The following SPATA3 variants were observed in gnomAD, a reference collection of about 807,000 sequenced individuals.
The protein encoded by SPATA3 is spermatogenesis associated 3.
SPATA3 carries 6 observed loss-of-function variants against 5.7 expected under a neutral mutation model. The observed-to-expected ratio is 1.06, with a 90% CI of 0.58 to 2.09. The LOEUF (loss-of-function observed/expected upper bound fraction) is 2.09. Ranked by LOEUF, SPATA3 falls within the 30% of genes most tolerant of loss-of-function variation. The probability of loss-of-function intolerance (pLI) is 0.00; values close to 1 mark genes in which losing one functional copy is unlikely to be tolerated. For missense variants in SPATA3, 155 were observed against 130.4 expected (o/e 1.19, Z -0.92); for synonymous variants, 44 against 48.4 (o/e 0.91, Z 0.37).
chr2:231,015,290 G>A (rs975653291), intron 6 of SPATA3, among the ~76,000 whole-genome samples: 2 of 105,176 alleles, frequency 1.9e-5, no homozygotes, highest in African/African-American at 8.6e-5. Context: ...GGTAGAAACA[G>A]GGTTTCACCA....
chr2:231,019,046 A>G (rs1259947670), intron 6 of SPATA3, among the ~76,000 whole-genome samples: 1 of 144,608 alleles, frequency 6.9e-6, no homozygotes, highest in African/African-American at 2.6e-5. Flanking sequence ...GGCTCACTGC[A>G]AGCTCCGCCT....
At chr2:231,009,032 G>T (rs879680581), downstream of SPATA3, among the ~76,000 whole-genome samples, 8 of 152,226 alleles carry the variant, frequency 5.3e-5, no homozygotes, top group Non-Finnish European at 1.0e-4. Context: ...CCAGGAAAAT[G>T]CAGGGGGCTG....
chr2:231,016,888 A>G (rs1221748741), intron 6 of SPATA3, among the ~76,000 whole-genome samples: 1 of 152,168 alleles, frequency 6.6e-6, no homozygotes, highest in African/African-American at 2.4e-5. Context: ...TCCTCTCAAT[A>G]GCTTTCCCAT....
chr2:231,002,686 A>T, exon 3 of SPATA3: 1 of 1,507,280 alleles, frequency 6.6e-7, no homozygotes, highest in Non-Finnish European at 8.9e-7. Flanking sequence ...CTCTACAGAA[A>T]ATCTTCAAGA....
downstream of SPATA3, among the ~76,000 whole-genome samples, chr2:231,008,507 T>G (rs1433653678): frequency 6.6e-6 from 1 of 152,132 alleles, no homozygotes; most frequent in African/African-American, 2.4e-5. Flanking sequence ...ACAGCACTGG[T>G]GGGATTGGGC....
At chr2:231,011,096 A>G (rs376052795), downstream of SPATA3, among the ~76,000 whole-genome samples, 2 of 138,712 alleles carry the variant, frequency 1.4e-5, no homozygotes, top group Admixed American at 7.1e-5. Flanking sequence ...AAAAGAAAAG[A>G]AAAAGAAAGC....
downstream of SPATA3, among the ~76,000 whole-genome samples, chr2:231,008,917 A>G (rs1692710881): frequency 6.6e-6 from 1 of 152,188 alleles, no homozygotes; most frequent in East Asian, 1.9e-4. Flanking sequence ...CCCAGCCTAC[A>G]GAGATCAAGT....
At chr2:231,006,286 G>T (rs868137047), downstream of SPATA3, among the ~76,000 whole-genome samples, 4 of 151,582 alleles carry the variant, frequency 2.6e-5, no homozygotes, top group Non-Finnish European at 4.4e-5. Context: ...CAGATCACAA[G>T]GTCAGGAGAT....
downstream of SPATA3, among the ~76,000 whole-genome samples, chr2:231,005,388 C>G (rs1237954319): frequency 1.2e-5 from 1 of 85,566 alleles, no homozygotes; most frequent in African/African-American, 4.5e-5. Flanking sequence ...ATCACCACCA[C>G]CATCATCACC....
At chr2:231,014,189 T>C (rs1321434525) in exon 6 of SPATA3, 1 of 152,210 alleles carries the variant, frequency 6.6e-6, no homozygotes, top group Non-Finnish European at 1.5e-5. Context: ...CATCCTTCAT[T>C]TGAGAATAAG....
downstream of SPATA3, among the ~76,000 whole-genome samples, chr2:231,005,195 TTCACCATCACCATCA>T (rs1559197482): frequency 4.1e-5 from 1 of 24,212 alleles, no homozygotes; most frequent in Non-Finnish European, 8.5e-5. Context: ...CATCACCATC[TTCACCATCACCATCA>T]TCACCACCAT....
chr2:231,019,253 G>A (rs1367524828), intron 6 of SPATA3, among the ~76,000 whole-genome samples: 4 of 151,502 alleles, frequency 2.6e-5, no homozygotes, highest in Non-Finnish European at 5.9e-5. Context: ...ACAGGAGTGA[G>A]CCACCGTGCC....
intron 6 of SPATA3, among the ~76,000 whole-genome samples, chr2:231,015,442 A>T (rs1048882870): frequency 6.6e-6 from 1 of 152,084 alleles, no homozygotes; most frequent in African/African-American, 2.4e-5. Flanking sequence ...GGTGAGGCAT[A>T]GACAGAAATG....
At chr2:231,001,817 C>A (rs1692361617) in intron 2 of SPATA3, among the ~76,000 whole-genome samples, 1 of 152,180 alleles carries the variant, frequency 6.6e-6, no homozygotes. Context: ...AACCAAGATG[C>A]AAGATGCAAA....
downstream of SPATA3, among the ~76,000 whole-genome samples, chr2:231,008,319 C>T (rs1398117961): frequency 6.6e-6 from 1 of 152,192 alleles, no homozygotes; most frequent in African/African-American, 2.4e-5. Context: ...GGAGTCAGCC[C>T]GCATGCACTG....
downstream of SPATA3, among the ~76,000 whole-genome samples, chr2:231,005,500 C>T (rs1357873835): frequency 6.9e-6 from 1 of 145,018 alleles, no homozygotes; most frequent in African/African-American, 2.6e-5. Flanking sequence ...TCACCACCAT[C>T]ATCACCACCA....
chr2:231,012,122 C>T (rs1252722477), downstream of SPATA3, among the ~76,000 whole-genome samples: 1 of 152,142 alleles, frequency 6.6e-6, no homozygotes, highest in African/African-American at 2.4e-5. Flanking sequence ...CAATCACCAG[C>T]GGCAAGAAGG....
intron 1 of SPATA3, among the ~76,000 whole-genome samples, chr2:230,998,844 C>T (rs2125093991): frequency 6.6e-6 from 1 of 152,278 alleles, no homozygotes; most frequent in South Asian, 2.1e-4. Context: ...ATGAAGTTAC[C>T]TTATGACCCA....
At chr2:231,006,128 G>C (rs558538289), downstream of SPATA3, among the ~76,000 whole-genome samples, 36 of 151,628 alleles carry the variant, frequency 2.4e-4, 1 homozygote, top group African/African-American at 8.5e-4. Context: ...TCAGCAGTTG[G>C]AGGTTGCAAT....
Sources: allele counts gnomAD v4.1 joint callset (sites outside exome capture counted in the v4.1 genomes callset), GRCh38; gene constraint gnomAD v4.1.1; transcripts MANE v1.5; gene names NCBI Gene and HGNC (gene_info 2026-07-23, HGNC 2026-07-21).